Variants in ZNF66 observed in about 807,000 individuals in gnomAD.
The protein encoded by ZNF66 is zinc finger protein 66, also known as putative zinc finger protein 66.
In ZNF66, 32 loss-of-function variants were observed where a neutral mutation model predicts 35.2. That is an observed-to-expected ratio of 0.91 (90% CI 0.69 to 1.22). The LOEUF (loss-of-function observed/expected upper bound fraction) is 1.22. Among genes scored for constraint, ZNF66 ranks in the 50% most tolerant of loss-of-function variants. The pLI is 0.00. For missense variants in ZNF66, 666 were observed against 543.1 expected (o/e 1.23, Z -2.25); for synonymous variants, 231 against 181.3 (o/e 1.27, Z -2.20).
Position 20,807,076 on chromosome 19 carries a change from C to T in ZNF66, c.1476C>T (p.Cys492=), listed in dbSNP as rs1414194034. ...AAGAATGTGGCAAGGCCTTTAAGTG[C>T]TCCTCTATTCTTACTACACATAAGA... ...KCEECGKAFK[C]SSILTTHKRI... is the part of the protein sequence containing the mutation. The change falls in exon 4 of 4, where the codon TGC becomes TGT. Residue 492 remains cysteine, a synonymous_variant. Transcript: ENST00000344519. 1 of 794,424 alleles carries T rather than the reference C, an allele frequency of 1.3e-6. No homozygotes were observed. The highest frequency in any genetic ancestry group is 2.3e-6 in the Non-Finnish European group (1 of 441,840). 49.2% of individuals were successfully genotyped at this position (794,424 alleles called of 1,614,324 possible).
At chr19:20,803,729 T>C (rs961694261) in intron 3 of ZNF66, among the ~76,000 whole-genome samples, 1 of 150,972 alleles carries the variant, frequency 6.6e-6, no homozygotes, top group African/African-American at 2.4e-5. Flanking sequence ...ACCATGTTAT[T>C]TTCAGTGGAG....
rs1249641026 is a variant in ZNF66 at position 20,806,685 on chromosome 19, T to G, written c.1085T>G (p.Ile362Ser). 9 of 1,490,422 alleles carry G rather than the reference T, an allele frequency of 6.0e-6. No individual in the cohort carries two copies. The highest frequency in any genetic ancestry group is 8.4e-6 in the Non-Finnish European group (9 of 1,069,980). The allele number at this position is 1,490,422 out of a possible 1,614,324, so 92.3% of individuals were successfully genotyped here. Residue 362 changes from isoleucine (I) to serine (S), a missense_variant, in exon 4 of 4, where the codon ATC becomes AGC. Transcript: ENST00000344519. ...TCTACCCTTACTAAACATAAAATAA[T>G]CCATACTGGAGAGAAACCCTACAAA... ...YSSTLTKHKI[I>S]HTGEKPYKCE...
chr19:20,793,153 T>C (rs1971355007), intron 2 of ZNF66, among the ~76,000 whole-genome samples: 1 of 151,906 alleles, frequency 6.6e-6, no homozygotes, highest in Non-Finnish European at 1.5e-5. Context: ...AGGTGAGTTA[T>C]ATTCTTCACT....
intron 1 of ZNF66, among the ~76,000 whole-genome samples, chr19:20,791,609 A>G (rs995081893): frequency 6.6e-6 from 1 of 152,054 alleles, no homozygotes; most frequent in Admixed American, 6.6e-5. Flanking sequence ...CCTGCTTAAT[A>G]TTACTACTAA....
At chr19:20,798,266 C>T (rs1204030758) in intron 3 of ZNF66, among the ~76,000 whole-genome samples, 1 of 151,490 alleles carries the variant, frequency 6.6e-6, no homozygotes, top group African/African-American at 2.4e-5. Context: ...TTTAAAAACA[C>T]ATAATGTAAA....
intron 3 of ZNF66, among the ~76,000 whole-genome samples, chr19:20,804,508 G>C (rs1971480917): frequency 1.3e-5 from 2 of 152,120 alleles, no homozygotes; most frequent in African/African-American, 2.4e-5. Context: ...GCCTCTCAAA[G>C]TGCTGGGATT....
chr19:20,805,187 T>C (rs1012114060), intron 3 of ZNF66, among the ~76,000 whole-genome samples: 2 of 151,594 alleles, frequency 1.3e-5, no homozygotes, highest in Non-Finnish European at 2.9e-5. Flanking sequence ...TTCAGAGGCA[T>C]GATCTTGGTC....
At chr19:20,783,201 T>A (rs1022684503) in intron 1 of ZNF66, among the ~76,000 whole-genome samples, 9 of 152,158 alleles carry the variant, frequency 5.9e-5, no homozygotes, top group Non-Finnish European at 1.3e-4. Flanking sequence ...GTTGCATTGG[T>A]CTTGTGCACT....
At chr19:20,796,209 T>C (rs1334948157) in intron 3 of ZNF66, among the ~76,000 whole-genome samples, 1 of 151,204 alleles carries the variant, frequency 6.6e-6, no homozygotes, top group Non-Finnish European at 1.5e-5. Context: ...GGCATTTTTG[T>C]CAGAGATGGC....
At chr19:20,784,434 A>G (rs548141598) in intron 1 of ZNF66, among the ~76,000 whole-genome samples, 172 of 152,288 alleles carry the variant, frequency 1.1e-3, no homozygotes, top group Middle Eastern at 3.4e-3. Context: ...GAGTAAACAC[A>G]ATTTAGGTAT....
intron 1 of ZNF66, among the ~76,000 whole-genome samples, chr19:20,783,027 A>G (rs1310367933): frequency 6.6e-6 from 1 of 152,008 alleles, no homozygotes; most frequent in Non-Finnish European, 1.5e-5. Context: ...TGATTTTTGT[A>G]TATGGTGTAA....
rs34732316 is a variant in ZNF66 at position 20,781,869 on chromosome 19, AT to A, written c.3+5428del. ...CATTGATGTTATTGCAAAGGACGTG[AT>A]TTTTTTTTAATGGCCACAGAGTATT... On this transcript the variant is annotated intron_variant, in intron 1 of 3. Coordinates refer to ENST00000344519, the MANE Select transcript of ZNF66 (RefSeq NM_001355197.2). Among the ~76,000 whole-genome samples the A allele has an allele frequency of 4.0e-5, 6 of 151,252 alleles. No individual in the cohort carries two copies. The East Asian group carries it at 5.8e-4, about 15-fold the overall frequency.
intron 1 of ZNF66, among the ~76,000 whole-genome samples, chr19:20,780,735 AATGGGAGCTC>A (rs1367304957): frequency 6.6e-6 from 1 of 152,132 alleles, no homozygotes; most frequent in Non-Finnish European, 1.5e-5. Flanking sequence ...GGTGTTTGGG[AATGGGAGCTC>A]TGCTTTCCCA....
At chr19:20,783,029 A>G (rs58207985) in intron 1 of ZNF66, among the ~76,000 whole-genome samples, 14,169 of 152,110 alleles carry the variant, frequency 0.093, 675 homozygotes, top group Middle Eastern at 0.11. Context: ...ATTTTTGTAT[A>G]TGGTGTAATG....
intron 1 of ZNF66, among the ~76,000 whole-genome samples, chr19:20,778,341 C>T (rs1971214558): frequency 6.6e-6 from 1 of 152,210 alleles, no homozygotes; most frequent in Admixed American, 6.5e-5. Flanking sequence ...ACCTCGTGAT[C>T]TACCCACCTT....
At chr19:20,791,372 C>T (rs1971335091) in intron 1 of ZNF66, among the ~76,000 whole-genome samples, 1 of 151,276 alleles carries the variant, frequency 6.6e-6, no homozygotes, top group African/African-American at 2.4e-5. Context: ...GTAATCCCAG[C>T]TACTTGGGAG....
At chr19:20,781,869 A>AT (rs34732316) in intron 1 of ZNF66, among the ~76,000 whole-genome samples, 14,130 of 151,198 alleles carry the variant, frequency 0.093, 669 homozygotes, top group Middle Eastern at 0.12. Flanking sequence ...AAAGGACGTG[A>AT]TTTTTTTTTA....
chr19:20,806,239 C>T lies in ZNF66; in HGVS notation c.639C>T (p.Ser213=). The change falls in exon 4 of 4, where the codon TCC becomes TCT. Residue 213 remains serine (S), a synonymous_variant. Coordinates refer to ENST00000344519, the MANE Select transcript of ZNF66 (RefSeq NM_001355197.2). Reference sequence around the variant, plus strand: ...AATGTGGCAAAGCCTTCAACCGGTCCTCACACCTTACTACACATAAGATAA... The same window carrying T: ...AATGTGGCAAAGCCTTCAACCGGTCTTCACACCTTACTACACATAAGATAA... ...CIECGKAFNR[S]SHLTTHKIIH... 1 of 1,434,296 alleles carries T rather than the reference C, an allele frequency of 7.0e-7. No homozygotes were observed. The highest frequency in any genetic ancestry group is 1.1e-5 in the South Asian group (1 of 87,250). 88.8% of individuals were successfully genotyped at this position (1,434,296 alleles called of 1,614,324 possible).
chr19:20,795,593 C>T (rs574108340), intron 3 of ZNF66, among the ~76,000 whole-genome samples: 124 of 152,156 alleles, frequency 8.1e-4, no homozygotes, highest in African/African-American at 2.9e-3. Flanking sequence ...TCTTGAACTC[C>T]TGACCTCAGG....
Sources: gnomAD v4.1 joint callset for allele counts (sites outside exome capture counted in the v4.1 genomes callset) on GRCh38, gnomAD v4.1.1 for gene constraint, MANE v1.5 for transcripts, NCBI Gene and HGNC (gene_info 2026-07-23, HGNC 2026-07-21) for gene names.